Variants in TXNDC16 observed in about 807,000 individuals in gnomAD.
TXNDC16 encodes the protein thioredoxin domain-containing protein 16.
A neutral mutation model predicts 85.6 loss-of-function variants in TXNDC16; 74 were observed. The observed-to-expected ratio is 0.86, with a 90% CI of 0.72 to 1.05. The LOEUF (loss-of-function observed/expected upper bound fraction) is 1.05. Among genes scored for constraint, TXNDC16 ranks in the 50% least tolerant of loss-of-function variants. The pLI is 0.00. For missense variants in TXNDC16, 959 were observed against 947.0 expected, an observed-to-expected ratio of 1.01 and a Z score of -0.17; for synonymous variants, 335 against 326.5, an observed-to-expected ratio of 1.03 and a Z score of -0.28.
chr14:52,459,387 C>T (rs192759393), intron 16 of TXNDC16, among the ~76,000 whole-genome samples: 12 of 152,172 alleles, frequency 7.9e-5, no homozygotes, highest in Admixed American at 6.5e-4. Context: ...AAATTGATTC[C>T]CTGAACAGAC....
intron 16 of TXNDC16, among the ~76,000 whole-genome samples, chr14:52,461,688 G>C (rs923804001): frequency 6.6e-6 from 1 of 152,218 alleles, no homozygotes; most frequent in Non-Finnish European, 1.5e-5. Flanking sequence ...ACCACTCCCA[G>C]CATGGCCATG....
intron 9 of TXNDC16, among the ~76,000 whole-genome samples, chr14:52,508,882 A>G (rs2036883163): frequency 6.6e-6 from 1 of 152,164 alleles, no homozygotes; most frequent in African/African-American, 2.4e-5. Flanking sequence ...AAGAAGGGGA[A>G]CATCACACAC....
chr14:52,464,335 C>T (rs188194158), intron 16 of TXNDC16, among the ~76,000 whole-genome samples: 183 of 152,248 alleles, frequency 1.2e-3, no homozygotes, highest in Admixed American at 3.1e-3. Flanking sequence ...TTATGACAAA[C>T]GACAGTGTTT....
intron 8 of TXNDC16, among the ~76,000 whole-genome samples, chr14:52,512,688 T>G (rs2036984580): frequency 6.6e-6 from 1 of 152,170 alleles, no homozygotes; most frequent in East Asian, 1.9e-4. Flanking sequence ...TATTTGAAGT[T>G]TATAAGAGAA....
intron 6 of TXNDC16, among the ~76,000 whole-genome samples, chr14:52,530,028 AATT>A: frequency 9.6e-6 from 1 of 103,966 alleles, no homozygotes; most frequent in East Asian, 2.9e-4. Context: ...TATATGTTAT[AATT>A]ATTTTTATGT....
At chr14:52,526,568 A>G (rs1566578674) in intron 6 of TXNDC16, among the ~76,000 whole-genome samples, 1 of 152,202 alleles carries the variant, frequency 6.6e-6, no homozygotes, top group African/African-American at 2.4e-5. Context: ...CCTTTTCTCC[A>G]GGAGCCATCT....
Position 52,476,287 on chromosome 14 carries a change from C to CA in TXNDC16, c.1313-5608dup, listed in dbSNP as rs554363780. On this transcript the variant is annotated intron_variant, in intron 14 of 20. Transcript: ENST00000281741. ...AGCAAGATTCTTTAACTCACCCCCG[C>CA]AAAAAAATCACACTAGCTCTCCAGC... 7.2e-5 allele frequency among the ~76,000 whole-genome samples: 11 copies of CA among 152,028 alleles called. No individual in the cohort carries two copies. In the South Asian group the frequency reaches 1.2e-3, roughly 17 times the overall value.
chr14:52,495,794 T>A (rs2036517807), intron 9 of TXNDC16, among the ~76,000 whole-genome samples: 1 of 152,172 alleles, frequency 6.6e-6, no homozygotes, highest in African/African-American at 2.4e-5. Context: ...TACATTTAGT[T>A]CCAGGTGCAG....
chr14:52,495,237 T>C (rs1566560005), intron 9 of TXNDC16, among the ~76,000 whole-genome samples: 1 of 152,328 alleles, frequency 6.6e-6, no homozygotes, highest in South Asian at 2.1e-4. Context: ...AGATGGCTCA[T>C]ACACATGGCT....
Position 52,470,432 on chromosome 14 carries a change from T to G in TXNDC16, c.1481+80A>C, listed in dbSNP as rs2035879187. On this transcript the variant is annotated intron_variant, in intron 15 of 20. Coordinates refer to ENST00000281741, the MANE Select transcript of TXNDC16 (RefSeq NM_020784.3). ...TTCTAGTATCTTCCTTAACCTATTT[T>G]AAGTGTTAGCAAAGTCTGAGAATTA... The G allele has an allele frequency of 2.0e-5, 28 of 1,435,326 alleles. No individual in the cohort carries two copies. The South Asian group carries it at 3.9e-4, about 20-fold the overall frequency. 88.9% of individuals were successfully genotyped at this position (1,435,326 alleles called of 1,614,324 possible).
chr14:52,499,880 ATTTATAATATCAAAT>A (rs2036617792), intron 9 of TXNDC16, among the ~76,000 whole-genome samples: 1 of 152,184 alleles, frequency 6.6e-6, no homozygotes, highest in Non-Finnish European at 1.5e-5. Context: ...TCTCTAGATT[ATTTATAATATCAAAT>A]ACAATGTAAA....
chr14:52,512,088 T>C (rs1293735445), intron 8 of TXNDC16, among the ~76,000 whole-genome samples: 1 of 152,150 alleles, frequency 6.6e-6, no homozygotes, highest in Non-Finnish European at 1.5e-5. Flanking sequence ...CTATTTTAAT[T>C]CTTGAGACAT....
chr14:52,491,012 T>TG lies in TXNDC16; in HGVS notation c.757-8dup, dbSNP rs2140154721. On this transcript the variant is annotated splice_region_variant and splice_polypyrimidine_tract_variant and intron_variant, in intron 9 of 20. Transcript: ENST00000281741. ...GATCTTCAGCAACTTCAGTCTTCAT[T>TG]GAAAAAAAAAAAAAAAAAAGGTGTG... is the stretch of plus-strand genomic sequence containing the variant. 2 of 1,369,928 alleles carry TG rather than the reference T, an allele frequency of 1.5e-6. No individual in the cohort carries two copies. The highest frequency in any genetic ancestry group is 9.4e-7 in the Non-Finnish European group (1 of 1,060,528). The allele number at this position is 1,369,928 out of a possible 1,614,324, so 84.9% of individuals were successfully genotyped here.
rs781758493 is a variant in TXNDC16, at chr14:52,470,127, C to T, written c.1528G>A (p.Glu510Lys). ...PVNITSIQEAEEYLSGELYKD... is the reference protein window; with the variant it reads ...PVNITSIQEAKEYLSGELYKD... ...TATAATTCCCCACTTAAATATTCTT[C>T]TGCTTCTTGGATCGATGTTATATTC... Residue 510 changes from glutamate to lysine, a missense_variant, in exon 16 of 21, where the codon GAA (glutamate) becomes AAA (lysine). Glu to Lys is a moderately conservative substitution (Grantham distance 56). Coordinates refer to ENST00000281741, the MANE Select transcript of TXNDC16 (RefSeq NM_020784.3). The T allele has an allele frequency of 2.3e-5, 37 of 1,611,134 alleles. No individual in the cohort carries two copies. The highest frequency in any genetic ancestry group is 1.7e-4 in the Middle Eastern group (1 of 6,060).
chr14:52,528,740 C>T (rs2037396854), intron 6 of TXNDC16, among the ~76,000 whole-genome samples: 1 of 148,970 alleles, frequency 6.7e-6, no homozygotes, highest in African/African-American at 2.5e-5. Flanking sequence ...GTTCATTTTT[C>T]AATTTATAAT....
intron 16 of TXNDC16, among the ~76,000 whole-genome samples, chr14:52,459,089 C>T (rs1033921949): frequency 2.0e-5 from 3 of 152,116 alleles, no homozygotes; most frequent in African/African-American, 4.8e-5. Context: ...TAAAAATATG[C>T]ACAAAAAGCT....
intron 2 of TXNDC16, 28 bp from the exon 3 acceptor site, chr14:52,543,658 G>C (rs2037882746): frequency 9.3e-6 from 12 of 1,288,020 alleles, no homozygotes; most frequent in African/African-American, 1.5e-5. Flanking sequence ...TTCAACAAGA[G>C]TTTGTTGAAT....
chr14:52,482,108 TG>T, intron 14 of TXNDC16, 121 bp downstream of exon 14: 1 of 830,658 alleles, frequency 1.2e-6, no homozygotes, highest in Non-Finnish European at 1.8e-6. Context: ...AACTTAACCC[TG>T]GAGACACAAA....
chr14:52,477,126 G>A (rs2036036032), intron 14 of TXNDC16, among the ~76,000 whole-genome samples: 1 of 152,144 alleles, frequency 6.6e-6, no homozygotes, highest in Non-Finnish European at 1.5e-5. Flanking sequence ...AACAAATGCT[G>A]AGAGAATTCG....
Sources: allele counts gnomAD v4.1 joint callset (sites outside exome capture counted in the v4.1 genomes callset), GRCh38; gene constraint gnomAD v4.1.1; transcripts MANE v1.5; gene names NCBI Gene and HGNC (gene_info 2026-07-23, HGNC 2026-07-21).